TSPAN9: variants seen among roughly 807,000 people sequenced by gnomAD.
The protein encoded by TSPAN9 is tetraspanin 9.
Under a neutral mutation model 31.0 loss-of-function variants are expected in TSPAN9, and 16 were observed. That is an observed-to-expected ratio of 0.52 (90% CI 0.35 to 0.78). The LOEUF (loss-of-function observed/expected upper bound fraction) is 0.78. Ranked by LOEUF, TSPAN9 falls within the 30% of genes least tolerant of loss-of-function variation. TSPAN9 has a pLI of 0.01. For synonymous variants in TSPAN9, 145 were observed against 121.6 expected (o/e 1.19, Z -1.27); for missense variants, 272 against 312.5 (o/e 0.87, Z 0.98).
chr12:3,189,142 T>C, intron 2 of TSPAN9, among the ~76,000 whole-genome samples: 1 of 152,148 alleles, frequency 6.6e-6, no homozygotes, highest in Non-Finnish European at 1.5e-5. Flanking sequence ...CCTCTTCATT[T>C]TGGGGGATCT....
chr12:3,174,967 C>G (rs553168795), intron 2 of TSPAN9, among the ~76,000 whole-genome samples: 1 of 152,094 alleles, frequency 6.6e-6, no homozygotes, highest in African/African-American at 2.4e-5. Context: ...CTTACACCCC[C>G]TGCCCTGCCT....
intron 2 of TSPAN9, among the ~76,000 whole-genome samples, chr12:3,091,239 G>A (rs981735544): frequency 6.6e-6 from 1 of 152,198 alleles, no homozygotes; most frequent in Admixed American, 6.5e-5. Flanking sequence ...CTCCGCATCC[G>A]CTCATAACCT....
At chr12:3,150,531 C>G (rs2098339247) in intron 2 of TSPAN9, among the ~76,000 whole-genome samples, 1 of 152,152 alleles carries the variant, frequency 6.6e-6, no homozygotes, top group Non-Finnish European at 1.5e-5. Flanking sequence ...GATATATACG[C>G]ACGTTGCTGC....
intron 3 of TSPAN9, among the ~76,000 whole-genome samples, chr12:3,218,639 A>G (rs3741943): frequency 0.73 from 111,693 of 152,036 alleles, 41,395 homozygotes; most frequent in African/African-American, 0.8. Flanking sequence ...GAGAGGAAAA[A>G]CGCAAAGGGG....
chr12:3,144,426 A>G, intron 2 of TSPAN9, among the ~76,000 whole-genome samples: 1 of 152,102 alleles, frequency 6.6e-6, no homozygotes. Flanking sequence ...TATAAGAGGG[A>G]CACAGGAAGC....
intron 2 of TSPAN9, chr12:3,200,825 GC>G (rs1012574302): frequency 7.7e-5 from 17 of 222,190 alleles, no homozygotes; most frequent in Admixed American, 1.8e-4. Context: ...GGCTCCGCCG[GC>G]CCCCCCGCAG....
chr12:3,096,021 C>T (rs1283382815), intron 2 of TSPAN9, among the ~76,000 whole-genome samples: 7 of 128,852 alleles, frequency 5.4e-5, no homozygotes, highest in East Asian at 4.4e-4. Context: ...GGGGCCTGTC[C>T]GCTCCTCCAG....
Position 3,123,279 on chromosome 12 carries a change from C to A in TSPAN9, c.-18+39560C>A, listed in dbSNP as rs762369009. ...GCTCCTTGAACCGCTTCCCTGCTTA[C>A]TCTTGGTGCCCTAGAGCCCTGTCCC... On this transcript the variant is annotated intron_variant, in intron 2 of 8. Coordinates refer to ENST00000011898, the MANE Select transcript of TSPAN9 (RefSeq NM_006675.5). Among the ~76,000 whole-genome samples the A allele has an allele frequency of 5.4e-4, 82 of 152,352 alleles. 1 individual carries two copies. Among genetic ancestry groups the A allele is most frequent in the East Asian group, 1.4e-3 (7 of 5,180 alleles).
intron 2 of TSPAN9, among the ~76,000 whole-genome samples, chr12:3,095,172 A>T (rs2098307409): frequency 1.8e-5 from 2 of 110,638 alleles, no homozygotes; most frequent in Non-Finnish European, 3.9e-5. Flanking sequence ...TGTTTCAGAG[A>T]GCACAGGGTT....
At chr12:3,104,505 A>G (rs1034760688) in intron 2 of TSPAN9, among the ~76,000 whole-genome samples, 4 of 152,070 alleles carry the variant, frequency 2.6e-5, no homozygotes, top group Non-Finnish European at 4.4e-5. Flanking sequence ...AGCATGTACC[A>G]CCACGCCTGG....
chr12:3,197,092 A>C (rs922485218), intron 2 of TSPAN9, among the ~76,000 whole-genome samples: 3 of 152,030 alleles, frequency 2.0e-5, no homozygotes, highest in African/African-American at 7.3e-5. Flanking sequence ...TGCTTGTAAC[A>C]CCTCTAGGGG....
intron 3 of TSPAN9, among the ~76,000 whole-genome samples, chr12:3,243,706 C>T (rs1047921069): frequency 1.5e-4 from 23 of 152,146 alleles, no homozygotes; most frequent in Admixed American, 6.5e-4. Context: ...GGTTGACGCC[C>T]GTGGTCTGGT....
chr12:3,263,603 C>G (rs138568417), intron 3 of TSPAN9, among the ~76,000 whole-genome samples: 1 of 152,172 alleles, frequency 6.6e-6, no homozygotes, highest in Non-Finnish European at 1.5e-5. Context: ...TTCACTCGGG[C>G]TCCCACAATC....
intron 2 of TSPAN9, among the ~76,000 whole-genome samples, chr12:3,177,784 A>G (rs1012250733): frequency 6.6e-6 from 1 of 152,234 alleles, no homozygotes; most frequent in East Asian, 1.9e-4. Context: ...TTGGATTTCC[A>G]TGATTTGTAA....
At chr12:3,085,410 A>G (rs74815384) in intron 2 of TSPAN9, among the ~76,000 whole-genome samples, 39,380 of 150,818 alleles carry the variant, frequency 0.26, 5,576 homozygotes, top group South Asian at 0.39. Flanking sequence ...GTCTATCTAG[A>G]TGACCGTCTT....
intron 3 of TSPAN9, among the ~76,000 whole-genome samples, chr12:3,202,594 G>T (rs904667513): frequency 6.6e-6 from 1 of 152,122 alleles, no homozygotes; most frequent in Non-Finnish European, 1.5e-5. Flanking sequence ...AGGGGCTGTC[G>T]TGATGGTCTC....
chr12:3,163,823 C>G (rs985227411), intron 2 of TSPAN9, among the ~76,000 whole-genome samples: 5 of 152,352 alleles, frequency 3.3e-5, no homozygotes, highest in Admixed American at 3.3e-4. Context: ...TAATCCCTTG[C>G]TCTGCCCTGG....
intron 2 of TSPAN9, among the ~76,000 whole-genome samples, chr12:3,145,516 G>A (rs1006352615): frequency 6.6e-6 from 1 of 152,168 alleles, no homozygotes; most frequent in African/African-American, 2.4e-5. Context: ...ATCTTGCTGA[G>A]TTTGGGGCAG....
chr12:3,120,176 T>G (rs1173315850), intron 2 of TSPAN9, among the ~76,000 whole-genome samples: 2 of 152,192 alleles, frequency 1.3e-5, no homozygotes, highest in Non-Finnish European at 2.9e-5. Context: ...TGCTTTGGAA[T>G]GAGTGGGAGG....
Sources: gnomAD v4.1 joint callset for allele counts (sites outside exome capture counted in the v4.1 genomes callset) on GRCh38, gnomAD v4.1.1 for gene constraint, MANE v1.5 for transcripts, NCBI Gene and HGNC (gene_info 2026-07-23, HGNC 2026-07-21) for gene names.